Variants in RNF130 observed in about 807,000 individuals in gnomAD.
The protein encoded by RNF130 is E3 ubiquitin-protein ligase RNF130.
In RNF130, 21 loss-of-function variants were observed where a neutral mutation model predicts 44.6. That is an observed-to-expected ratio of 0.47 (90% CI 0.33 to 0.68). The LOEUF (loss-of-function observed/expected upper bound fraction) is 0.68. Ranked by LOEUF, RNF130 falls within the 30% of genes least tolerant of loss-of-function variation. The pLI, the probability that RNF130 is intolerant of heterozygous loss-of-function variation, is 0.02. For synonymous variants in RNF130, 214 were observed against 210.4 expected (o/e 1.02, Z -0.15); for missense variants, 479 against 560.6 (o/e 0.85, Z 1.47).
intron 3 of RNF130, among the ~76,000 whole-genome samples, chr5:180,003,009 A>G (rs574601324): frequency 1.3e-5 from 2 of 152,082 alleles, no homozygotes; most frequent in Non-Finnish European, 2.9e-5. Flanking sequence ...TCTACCAAAG[A>G]GTTCTGAACA....
At chr5:179,929,328 T>C (rs1423789392) in intron 7 of RNF130, among the ~76,000 whole-genome samples, 1 of 152,238 alleles carries the variant, frequency 6.6e-6, no homozygotes, top group East Asian at 1.9e-4. Flanking sequence ...CATCCTTGCA[T>C]CGATACCTTA....
chr5:179,958,041 C>G (rs1276906721), intron 8 of RNF130, among the ~76,000 whole-genome samples: 1 of 151,952 alleles, frequency 6.6e-6, no homozygotes, highest in African/African-American at 2.4e-5. Flanking sequence ...CTACGCCCGG[C>G]TAATTTTTTG....
intron 7 of RNF130, chr5:179,920,457 T>G: frequency 1.4e-6 from 1 of 700,484 alleles, no homozygotes; most frequent in South Asian, 1.5e-5. Flanking sequence ...AGAGACTTAA[T>G]AGGTCACCAG....
At chr5:180,040,401 G>A (rs1465798795) in intron 2 of RNF130, 52 bp downstream of exon 2, 4 of 1,529,690 alleles carry the variant, frequency 2.6e-6, no homozygotes, top group Non-Finnish European at 3.6e-6. Context: ...TACCTATAAA[G>A]CAATGATTTC....
chr5:180,025,573 T>C (rs1763966360), intron 2 of RNF130, among the ~76,000 whole-genome samples: 1 of 152,112 alleles, frequency 6.6e-6, no homozygotes. Context: ...TTAAAGGCTA[T>C]TTTTATTTTT....
chr5:180,053,482 G>A (rs1319709378), intron 1 of RNF130, among the ~76,000 whole-genome samples: 1 of 152,178 alleles, frequency 6.6e-6, no homozygotes, highest in Admixed American at 6.5e-5. Context: ...AAGCTTTAAG[G>A]AGGACTCAAA....
intron 1 of RNF130, among the ~76,000 whole-genome samples, chr5:180,068,714 A>C (rs1765166978): frequency 6.6e-6 from 1 of 152,242 alleles, no homozygotes; most frequent in Non-Finnish European, 1.5e-5. Flanking sequence ...CAGCTTCAAA[A>C]TGAGCCATCA....
At chr5:179,929,094 T>C (rs1421073097) in intron 7 of RNF130, among the ~76,000 whole-genome samples, 2 of 152,254 alleles carry the variant, frequency 1.3e-5, no homozygotes, top group African/African-American at 2.4e-5. Flanking sequence ...TTCATGGTTT[T>C]ACCTTTTGCA....
In RNF130 at chr5:179,937,933, T is replaced by TGAGAGAGA. The variant is rs3078901; in HGVS notation, c.1151-17515_1151-17508dup. ...GTGTGTGTGTGTGTGTGTGTGTGTG[T>TGAGAGAGA]GAGAGAGAGAGAGAGAGAGAGAGAG... On this transcript the variant is annotated intron_variant, in intron 7 of 7. Coordinates refer to the RNF130 transcript ENST00000522208. 3.0e-4 allele frequency among the ~76,000 whole-genome samples: 35 copies of TGAGAGAGA among 116,288 alleles called. 1 individual carries two copies. In the East Asian group the frequency reaches 7.4e-3, roughly 25 times the overall value. The allele number at this position is 116,288 out of a possible 152,430, so 76.3% of individuals were successfully genotyped here. A position where few individuals can be genotyped will look rare whatever the true frequency, so the allele number is the denominator to read the frequency against.
chr5:179,988,253 T>A (rs753991894), intron 3 of RNF130, among the ~76,000 whole-genome samples: 1 of 152,216 alleles, frequency 6.6e-6, no homozygotes, highest in South Asian at 2.1e-4. Context: ...CCTCTAATGA[T>A]CCTTTGTATT....
At chr5:179,939,183 C>T (rs1179286053) in intron 7 of RNF130, among the ~76,000 whole-genome samples, 1 of 152,006 alleles carries the variant, frequency 6.6e-6, no homozygotes, top group African/African-American at 2.4e-5. Context: ...CGCCACTGCA[C>T]TCCAGCCTGG....
chr5:179,942,135 TC>T lies in RNF130; in HGVS notation c.1151-21710del, dbSNP rs1458446832. On this transcript the variant is annotated intron_variant, in intron 7 of 7. Transcript: ENST00000522208. The stretch of plus-strand genomic sequence containing the variant: ...TTCTAATTAGAGTCACTAATTTGTG[TC>T]CAAATAGGTTTCACTTAGAACCATC... Among the ~76,000 whole-genome samples, 23 of 112,754 alleles carry T rather than the reference TC, an allele frequency of 2.0e-4. No homozygotes were observed. In the East Asian group the frequency reaches 6.6e-3, roughly 32 times the overall value. The allele number at this position is 112,754 out of a possible 152,430, so 74.0% of individuals were successfully genotyped here.
intron 2 of RNF130, among the ~76,000 whole-genome samples, chr5:180,033,098 C>T (rs537063797): frequency 1.2e-4 from 18 of 152,188 alleles, no homozygotes; most frequent in African/African-American, 4.1e-4. Context: ...TTCAGCCTCC[C>T]GAGTAGCTGG....
At chr5:180,024,615 C>A (rs1763947294) in intron 2 of RNF130, among the ~76,000 whole-genome samples, 1 of 151,940 alleles carries the variant, frequency 6.6e-6, no homozygotes, top group African/African-American at 2.4e-5. Flanking sequence ...AAGACACTTT[C>A]GGATAAATAA....
At chr5:179,962,214 T>C (rs1762347933) in intron 8 of RNF130, among the ~76,000 whole-genome samples, 2 of 152,284 alleles carry the variant, frequency 1.3e-5, no homozygotes, top group East Asian at 3.9e-4. Context: ...GGCTGGGGAA[T>C]GCCACCCGAC....
chr5:179,920,441 A>C (rs1357197551), intron 7 of RNF130: 2 of 702,302 alleles, frequency 2.8e-6, no homozygotes, highest in East Asian at 2.7e-5. Context: ...AAAAGGAAGA[A>C]GAGAAAGAGA....
chr5:180,000,777 T>A (rs1763316306), intron 3 of RNF130, among the ~76,000 whole-genome samples: 1 of 152,240 alleles, frequency 6.6e-6, no homozygotes, highest in Admixed American at 6.5e-5. Flanking sequence ...TATTGTGAAC[T>A]GTTTCCCCAA....
chr5:179,975,275 T>G (rs27013), intron 5 of RNF130, among the ~76,000 whole-genome samples: 75,887 of 152,074 alleles, frequency 0.5, 20,408 homozygotes, highest in African/African-American at 0.71. Context: ...TCTGCTGGGG[T>G]GAGGCTTGAA....
chr5:179,916,423 A>G (rs1027486031), exon 8 of RNF130: 2 of 152,248 alleles, frequency 1.3e-5, no homozygotes, highest in Non-Finnish European at 2.9e-5. Flanking sequence ...TGTAGCTCGA[A>G]CGGATTGGAT....
Sources: gnomAD v4.1 joint callset for allele counts (sites outside exome capture counted in the v4.1 genomes callset) on GRCh38, gnomAD v4.1.1 for gene constraint, MANE v1.5 for transcripts, NCBI Gene and HGNC (gene_info 2026-07-23, HGNC 2026-07-21) for gene names.